The following C8orf34 variants were observed in gnomAD, a reference collection of about 807,000 sequenced individuals.
C8orf34 encodes the protein chromosome 8 open reading frame 34, also known as uncharacterized protein C8orf34.
A neutral mutation model predicts 68.3 loss-of-function variants in C8orf34; 65 were observed. The observed-to-expected ratio is 0.95, with a 90% CI of 0.78 to 1.17. The LOEUF is 1.17. C8orf34 is among the 50% of genes most tolerant of loss of function. C8orf34 has a pLI of 0.00. For missense variants in C8orf34, 664 were observed against 655.4 expected (o/e 1.01, Z -0.14); for synonymous variants, 244 against 241.2 (o/e 1.01, Z -0.11).
In C8orf34 at chr8:68,599,031, G is replaced by GA. The variant is rs1272996394; in HGVS notation, c.1106-41336dup. Among the ~76,000 whole-genome samples, 35 of 147,328 alleles carry GA rather than the reference G, an allele frequency of 2.4e-4. No homozygotes were observed. The South Asian group carries it at 3.2e-3, about 14-fold the overall frequency. ...TTTAAGTGGAATTCTAGTAGAAAAAGAAAAAAAAATAGAAGTTAAACAAGA... is the reference window on the plus strand; with the variant it reads ...TTTAAGTGGAATTCTAGTAGAAAAAGAAAAAAAAAATAGAAGTTAAACAAGA... On this transcript the variant is annotated intron_variant, in intron 7 of 13. Transcript: ENST00000518698.
At chr8:68,426,407 T>C (rs527971016) in intron 1 of C8orf34, among the ~76,000 whole-genome samples, 1 of 150,224 alleles carries the variant, frequency 6.7e-6, no homozygotes, top group Non-Finnish European at 1.5e-5. Context: ...TAGTCCCAAA[T>C]GCTCGGGGGC....
chr8:68,489,069 A>G (rs1813200570), intron 5 of C8orf34, among the ~76,000 whole-genome samples: 1 of 152,186 alleles, frequency 6.6e-6, no homozygotes, highest in Non-Finnish European at 1.5e-5. Context: ...ATTTTCTAAA[A>G]CAAGATGTTA....
At chr8:68,662,491 T>C (rs1042044535) in intron 8 of C8orf34, among the ~76,000 whole-genome samples, 1 of 152,298 alleles carries the variant, frequency 6.6e-6, no homozygotes, top group East Asian at 1.9e-4. Context: ...TCCCCCATAC[T>C]GTTCTCGTTG....
chr8:68,665,046 G>A (rs1314207842), intron 8 of C8orf34, among the ~76,000 whole-genome samples: 3 of 152,108 alleles, frequency 2.0e-5, no homozygotes, highest in African/African-American at 7.2e-5. Flanking sequence ...TGTTGCAAAC[G>A]CTAATTCTCT....
At chr8:68,763,913 A>G (rs960931454) in intron 10 of C8orf34, among the ~76,000 whole-genome samples, 2 of 152,198 alleles carry the variant, frequency 1.3e-5, no homozygotes, top group East Asian at 1.9e-4. Context: ...TGAGGAGTCC[A>G]TGGGACCAAG....
rs146067432 is a variant in C8orf34, at chr8:68,727,085, C to T, written c.1404+5648C>T. Among the ~76,000 whole-genome samples the T allele has an allele frequency of 3.9e-3, 589 of 152,222 alleles. 8 individuals carry two copies. The highest frequency in any genetic ancestry group is 0.013 in the African/African-American group (557 of 41,528). On this transcript the variant is annotated intron_variant, in intron 10 of 13. Transcript: ENST00000518698. ...AGTCTCATCTGAGACAAAGCAAGTC[C>T]TTTCTGTCTATGAGCTTGTAAAATC...
intron 10 of C8orf34, among the ~76,000 whole-genome samples, chr8:68,775,868 G>A (rs1357186522): frequency 1.3e-5 from 2 of 152,090 alleles, no homozygotes; most frequent in Non-Finnish European, 2.9e-5. Flanking sequence ...CATGGATGGA[G>A]CTGGAAGCCA....
At chr8:68,509,160 CA>C (rs1195314726) in intron 5 of C8orf34, among the ~76,000 whole-genome samples, 1 of 152,112 alleles carries the variant, frequency 6.6e-6, no homozygotes, top group African/African-American at 2.4e-5. Context: ...TTCCTGCTGA[CA>C]GGGGGCACTG....
Position 68,654,662 on chromosome 8 carries a change from T to G in C8orf34, c.1241+14151T>G, listed in dbSNP as rs151338237. Among the ~76,000 whole-genome samples the G allele has an allele frequency of 8.2e-3, 1,255 of 152,298 alleles. 15 individuals carry two copies. The highest frequency in any genetic ancestry group is 0.027 in the Middle Eastern group (8 of 294). ...TAATCTAATTTATTTTCAATTTTAT[T>G]TGAGCCCTGCATATGAAAGCTTCCT... is the stretch of plus-strand genomic sequence containing the variant. On this transcript the variant is annotated intron_variant, in intron 8 of 13. Coordinates refer to ENST00000518698, the MANE Select transcript of C8orf34 (RefSeq NM_052958.4).
intron 7 of C8orf34, among the ~76,000 whole-genome samples, chr8:68,567,540 G>A (rs1302329920): frequency 3.7e-5 from 4 of 108,250 alleles, no homozygotes; most frequent in African/African-American, 1.0e-4. Context: ...TGCTAATGAT[G>A]TATCAATTTT....
chr8:68,638,861 A>G lies in C8orf34; in HGVS notation c.1106-1515A>G, dbSNP rs1382818554. 2.0e-5 allele frequency among the ~76,000 whole-genome samples: 3 copies of G among 152,162 alleles called. No individual in the cohort carries two copies. In the East Asian group the frequency reaches 5.8e-4, roughly 29 times the overall value. ...AGTTTAAAGTTCTGAAATATGATCC[A>G]GCAACAAATAATATTGGGTCACGGT... is the stretch of plus-strand genomic sequence containing the variant. On this transcript the variant is annotated intron_variant, in intron 7 of 13. Transcript: ENST00000518698.
In C8orf34 at chr8:68,429,215, A is replaced by G. The variant is rs1416213120; in HGVS notation, c.328-10284A>G. On this transcript the variant is annotated intron_variant, in intron 1 of 13. Coordinates refer to ENST00000518698, the MANE Select transcript of C8orf34 (RefSeq NM_052958.4). ...TTCAACAGACCATTATGAAAAAGAA[A>G]GGCATTAAGTAGAAAAATGGCAAAT... Among the ~76,000 whole-genome samples the G allele has an allele frequency of 2.0e-5, 3 of 152,182 alleles. No individual in the cohort carries two copies. In the South Asian group the frequency reaches 6.2e-4, roughly 31 times the overall value.
chr8:68,673,069 G>A (rs1820066997), intron 8 of C8orf34, among the ~76,000 whole-genome samples: 1 of 151,990 alleles, frequency 6.6e-6, no homozygotes. Context: ...CTTCTGGTAG[G>A]ATTAATCATC....
intron 12 of C8orf34, among the ~76,000 whole-genome samples, chr8:68,794,506 T>TATATATATATATATATACA (rs58048066): frequency 1.7e-3 from 98 of 58,824 alleles, no homozygotes; most frequent in African/African-American, 3.6e-3. Context: ...TATATATATA[T>TATATATATATATATATACA]TTTTTTTTTT....
chr8:68,702,859 C>T (rs902928850), intron 8 of C8orf34, among the ~76,000 whole-genome samples: 2 of 152,082 alleles, frequency 1.3e-5, no homozygotes, highest in African/African-American at 2.4e-5. Context: ...ATTTAAAACT[C>T]CCTCCTCATT....
chr8:68,615,733 A>G lies in C8orf34; in HGVS notation c.1106-24643A>G, dbSNP rs559682854. ...ATTTTTGCATCAATATTCATCAAGG[A>G]TATTGGTCTAAAATTCTCTCTTTTG... On this transcript the variant is annotated intron_variant, in intron 7 of 13. Coordinates refer to ENST00000518698, the MANE Select transcript of C8orf34 (RefSeq NM_052958.4). 9.2e-5 allele frequency among the ~76,000 whole-genome samples: 14 copies of G among 152,270 alleles called. No individual in the cohort carries two copies. In the East Asian group the frequency reaches 2.3e-3, roughly 25 times the overall value.
chr8:68,420,147 C>A (rs1586100871), intron 1 of C8orf34, among the ~76,000 whole-genome samples: 1 of 104,816 alleles, frequency 9.5e-6, no homozygotes, highest in Non-Finnish European at 2.1e-5. Context: ...AGAGAATTAA[C>A]CCTTTTTAAA....
chr8:68,734,867 G>C (rs941615756), intron 10 of C8orf34, among the ~76,000 whole-genome samples: 1 of 152,162 alleles, frequency 6.6e-6, no homozygotes, highest in Admixed American at 6.5e-5. Flanking sequence ...TACTGCTGTA[G>C]ATATTGATAG....
chr8:68,440,890 C>T (rs927239436), intron 2 of C8orf34, among the ~76,000 whole-genome samples: 5 of 151,618 alleles, frequency 3.3e-5, no homozygotes, highest in South Asian at 2.1e-4. Context: ...CTGCAAGCTC[C>T]GCTTCCTGGG....
Sources: allele counts gnomAD v4.1 joint callset (sites outside exome capture counted in the v4.1 genomes callset), GRCh38; gene constraint gnomAD v4.1.1; transcripts MANE v1.5; gene names NCBI Gene and HGNC (gene_info 2026-07-23, HGNC 2026-07-21).